The following HIPK2 variants were observed in gnomAD, a reference collection of about 807,000 sequenced individuals.
HIPK2 encodes homeodomain interacting protein kinase 2, also known as homeodomain-interacting protein kinase 2.
A neutral mutation model predicts 113.7 loss-of-function variants in HIPK2; 27 were observed. That is an observed-to-expected ratio of 0.24 (90% CI 0.17 to 0.33). The LOEUF (loss-of-function observed/expected upper bound fraction) is 0.33. HIPK2 is among the 10% of genes least tolerant of loss of function. HIPK2 has a pLI of 1.00. For synonymous variants in HIPK2, 631 were observed against 642.2 expected (o/e 0.98, Z 0.26); for missense variants, 1,257 against 1,588.0 (o/e 0.79, Z 3.54).
At chr7:139,694,813 C>A (rs921063722) in intron 2 of HIPK2, among the ~76,000 whole-genome samples, 3,615 of 152,226 alleles carry the variant, frequency 0.024, 134 homozygotes, top group African/African-American at 0.082. Flanking sequence ...TGCCTGTTAA[C>A]CCCAGGACAG....
intron 2 of HIPK2, among the ~76,000 whole-genome samples, chr7:139,709,701 C>T (rs761051233): frequency 4.6e-5 from 7 of 152,114 alleles, no homozygotes; most frequent in Non-Finnish European, 8.8e-5. Flanking sequence ...TTCTACTGAC[C>T]GTGACTCAAT....
In HIPK2 at chr7:139,572,895, CCCTCCCTCCCTCCCT is replaced by C; in HGVS notation, c.*17_*31del. ...TCCCTCCTCCCTCGGGCCATTCTCT[CCCTCCCTCCCTCCCT>C]CCCTCCCCTCCAGTGTTTATATGTA... On this transcript the variant is annotated 3_prime_UTR_variant, in exon 15 of 15. Transcript: ENST00000406875. 2.2e-6 allele frequency: 1 copy of C among 456,910 alleles called. No individual in the cohort carries two copies. Among genetic ancestry groups the C allele is most frequent in the Non-Finnish European group, 4.2e-6 (1 of 240,272 alleles). 28.3% of individuals were successfully genotyped at this position (456,910 alleles called of 1,614,324 possible). A position where few individuals can be genotyped will look rare whatever the true frequency, so the allele number is the denominator to read the frequency against.
At chr7:139,689,049 T>C (rs1459796659) in intron 2 of HIPK2, among the ~76,000 whole-genome samples, 1 of 152,192 alleles carries the variant, frequency 6.6e-6, no homozygotes, top group African/African-American at 2.4e-5. Context: ...AATGAAAACT[T>C]TCCTAACTGC....
At chr7:139,666,977 C>T (rs988628513) in intron 2 of HIPK2, among the ~76,000 whole-genome samples, 1 of 151,890 alleles carries the variant, frequency 6.6e-6, no homozygotes, top group Non-Finnish European at 1.5e-5. Context: ...AGAAGAATCG[C>T]TTGAACCTTG....
At chr7:139,747,360 G>C (rs928016307) in intron 1 of HIPK2, among the ~76,000 whole-genome samples, 1 of 152,148 alleles carries the variant, frequency 6.6e-6, no homozygotes, top group Admixed American at 6.5e-5. Flanking sequence ...GCATCTGGAC[G>C]TTCCCACCTT....
At chr7:139,647,628 T>A (rs1404520451) in intron 2 of HIPK2, among the ~76,000 whole-genome samples, 3 of 152,158 alleles carry the variant, frequency 2.0e-5, no homozygotes, top group Non-Finnish European at 4.4e-5. Flanking sequence ...ATATATATGC[T>A]GAGGAATAGT....
chr7:139,706,119 C>A (rs370965515), intron 2 of HIPK2, among the ~76,000 whole-genome samples: 1 of 152,206 alleles, frequency 6.6e-6, no homozygotes, highest in Non-Finnish European at 1.5e-5. Context: ...GGGGAAGTCG[C>A]TTCTCATTTT....
intron 12 of HIPK2, among the ~76,000 whole-genome samples, chr7:139,590,879 C>G (rs953246629): frequency 1.3e-5 from 2 of 152,188 alleles, no homozygotes; most frequent in Non-Finnish European, 2.9e-5. Context: ...GGGTCTCACT[C>G]TGTCATCCAG....
intron 10 of HIPK2, among the ~76,000 whole-genome samples, chr7:139,601,284 T>A (rs1322521978): frequency 1.3e-5 from 2 of 151,852 alleles, no homozygotes; most frequent in Admixed American, 6.6e-5. Flanking sequence ...ATAAAAAAAA[T>A]TTTTAAATGA....
Position 139,570,195 on chromosome 7 carries a change from G to C in HIPK2, c.*2732C>G, listed in dbSNP as rs549110227. 6.6e-6 allele frequency: 1 copy of C among 152,122 alleles called. No individual in the cohort carries two copies. The highest frequency in any genetic ancestry group is 6.5e-5 in the Admixed American group (1 of 15,276). The allele number at this position is 152,122 out of a possible 1,614,324, so 9.4% of individuals were successfully genotyped here. On this transcript the variant is annotated 3_prime_UTR_variant, in exon 15 of 15. Transcript: ENST00000406875. ...CATTTGCAGCCAAGACTTGGAACTCGGGATGAGACCTAATGGGCTATTGCT... is the reference window on the plus strand; with the variant it reads ...CATTTGCAGCCAAGACTTGGAACTCCGGATGAGACCTAATGGGCTATTGCT...
chr7:139,692,960 C>T (rs1794451460), intron 2 of HIPK2, among the ~76,000 whole-genome samples: 1 of 152,172 alleles, frequency 6.6e-6, no homozygotes, highest in African/African-American at 2.4e-5. Context: ...GGTTTGGTGA[C>T]TTGATTCTGC....
At chr7:139,763,927 T>C (rs1424800789) in intron 1 of HIPK2, among the ~76,000 whole-genome samples, 2 of 152,034 alleles carry the variant, frequency 1.3e-5, no homozygotes, top group South Asian at 4.2e-4. Flanking sequence ...TAGTGCCACA[T>C]TTTTTTTGCA....
chr7:139,728,670 T>C (rs1312876620), intron 1 of HIPK2, among the ~76,000 whole-genome samples: 1 of 152,226 alleles, frequency 6.6e-6, no homozygotes, highest in Non-Finnish European at 1.5e-5. Context: ...GAATTTAAGA[T>C]ATGAATTTGG....
chr7:139,614,171 G>T, intron 8 of HIPK2, 115 bp downstream of exon 8: 1 of 1,023,758 alleles, frequency 9.8e-7, no homozygotes, highest in Non-Finnish European at 1.3e-6. Context: ...CTCACTGGAA[G>T]AAATGAGGAG....
At chr7:139,604,016 G>A in intron 10 of HIPK2, 65 bp downstream of exon 10, 1 of 1,605,624 alleles carries the variant, frequency 6.2e-7, no homozygotes, top group Non-Finnish European at 8.5e-7. Context: ...GCAGCCCTGT[G>A]TTGGCAGTGG....
At chr7:139,625,778 T>G (rs1273861797) in intron 6 of HIPK2, among the ~76,000 whole-genome samples, 2 of 152,158 alleles carry the variant, frequency 1.3e-5, no homozygotes, top group Non-Finnish European at 2.9e-5. Context: ...CCATTCTCTC[T>G]CTTACGGACT....
In HIPK2 at chr7:139,650,749, G is replaced by A. The variant is rs575145316; in HGVS notation, c.1104-19024C>T. ...CTGCCTTGAATCACTTACTCTGGAAGAGGACCCTCAATGGCCCTGTGGAGA... is the reference window on the plus strand; with the variant it reads ...CTGCCTTGAATCACTTACTCTGGAAAAGGACCCTCAATGGCCCTGTGGAGA... On this transcript the variant is annotated intron_variant, in intron 2 of 14. Coordinates refer to ENST00000406875, the MANE Select transcript of HIPK2 (RefSeq NM_022740.5). 2.6e-5 allele frequency among the ~76,000 whole-genome samples: 4 copies of A among 152,356 alleles called. No individual in the cohort carries two copies. In the East Asian group the frequency reaches 7.7e-4, roughly 29 times the overall value.
At chr7:139,706,701 A>G (rs1200056716) in intron 2 of HIPK2, among the ~76,000 whole-genome samples, 1 of 152,176 alleles carries the variant, frequency 6.6e-6, no homozygotes, top group Non-Finnish European at 1.5e-5. Context: ...GGAGGTAGAG[A>G]TCCCCAACTC....
At position 139,736,739 on chromosome 7, in the gene HIPK2, C is replaced by T. The variant is rs1426668522; in HGVS notation, c.20-19724G>A. 4.6e-5 allele frequency among the ~76,000 whole-genome samples: 7 copies of T among 152,184 alleles called. No individual in the cohort carries two copies. In the East Asian group the frequency reaches 5.8e-4, roughly 13 times the overall value. On this transcript the variant is annotated intron_variant, in intron 1 of 14. Transcript: ENST00000406875. ...ATCCTACAAAACACAGCAACCCTTG[C>T]GGAACCACAAAGGCCAATCAAAGCC...
Sources: allele counts gnomAD v4.1 joint callset (sites outside exome capture counted in the v4.1 genomes callset), GRCh38; gene constraint gnomAD v4.1.1; transcripts MANE v1.5; gene names NCBI Gene and HGNC (gene_info 2026-07-23, HGNC 2026-07-21).